The following L3MBTL3 variants were observed in gnomAD, a reference collection of about 807,000 sequenced individuals.
The protein encoded by L3MBTL3 is lethal(3)malignant brain tumor-like protein 3.
A neutral mutation model predicts 102.3 loss-of-function variants in L3MBTL3; 27 were observed. The ratio of observed to expected loss-of-function variants is 0.26; its 90% confidence interval spans 0.19 to 0.36. The LOEUF (loss-of-function observed/expected upper bound fraction) is 0.36, where lower values mean the gene tolerates loss of function less well. Ranked by LOEUF, L3MBTL3 falls within the 10% of genes least tolerant of loss-of-function variation. The pLI, the probability that L3MBTL3 is intolerant of heterozygous loss-of-function variation, is 1.00. For synonymous variants in L3MBTL3, 340 were observed against 320.9 expected, an observed-to-expected ratio of 1.06 and a Z score of -0.64; for missense variants, 798 against 955.3, an observed-to-expected ratio of 0.84 and a Z score of 2.17.
intron 3 of L3MBTL3, 119 bp downstream of exon 3, chr6:130,042,920 A>T: frequency 1.5e-6 from 1 of 655,698 alleles, no homozygotes; most frequent in South Asian, 2.2e-5. Context: ...TGTAGGTTTT[A>T]GATGATGCTT....
At chr6:130,118,628 T>C (rs1260238019) in intron 19 of L3MBTL3, among the ~76,000 whole-genome samples, 1 of 152,204 alleles carries the variant, frequency 6.6e-6, no homozygotes, top group African/African-American at 2.4e-5. Context: ...AAACATTCAA[T>C]AAACATTTTT....
At chr6:130,084,108 G>T (rs1002422177) in intron 15 of L3MBTL3, among the ~76,000 whole-genome samples, 1 of 152,054 alleles carries the variant, frequency 6.6e-6, no homozygotes, top group African/African-American at 2.4e-5. Flanking sequence ...GAGATGCTGG[G>T]TTTTTTAATT....
intron 13 of L3MBTL3, among the ~76,000 whole-genome samples, chr6:130,078,048 A>G (rs927370096): frequency 1.3e-5 from 2 of 152,154 alleles, no homozygotes; most frequent in East Asian, 1.9e-4. Flanking sequence ...AAAGGAGAAG[A>G]AAGAGGTAAA....
intron 19 of L3MBTL3, among the ~76,000 whole-genome samples, chr6:130,110,311 T>C (rs1785270950): frequency 1.3e-5 from 2 of 152,326 alleles, no homozygotes; most frequent in South Asian, 4.1e-4. Context: ...TTTCACGATA[T>C]TGTTTCTTCC....
At chr6:130,135,353 C>T (rs1337861671) in intron 22 of L3MBTL3, among the ~76,000 whole-genome samples, 2 of 152,100 alleles carry the variant, frequency 1.3e-5, no homozygotes, top group Non-Finnish European at 1.5e-5. Context: ...CGTGAGCCAC[C>T]GTGCCCAGCC....
rs186395275 is a variant in L3MBTL3, at chr6:130,104,341, G to C, written c.1737-85G>C. On this transcript the variant is annotated intron_variant, in intron 18 of 22. Coordinates refer to ENST00000361794, the MANE Select transcript of L3MBTL3 (RefSeq NM_032438.4). Reference sequence around the variant, plus strand: ...GTTAAATTTTAGAATTTTATATTCTGTATCCTGTCATTTTAATTGGAAGAA... The same window carrying C: ...GTTAAATTTTAGAATTTTATATTCTCTATCCTGTCATTTTAATTGGAAGAA... 109 of 956,906 alleles carry C rather than the reference G, an allele frequency of 1.1e-4. No homozygotes were observed. In the East Asian group the frequency reaches 2.8e-3, roughly 24 times the overall value. 59.3% of individuals were successfully genotyped at this position (956,906 alleles called of 1,614,324 possible). A position where few individuals can be genotyped will look rare whatever the true frequency, so the allele number is the denominator to read the frequency against.
intron 3 of L3MBTL3, among the ~76,000 whole-genome samples, chr6:130,047,568 T>G (rs923869067): frequency 2.0e-5 from 3 of 152,346 alleles, no homozygotes; most frequent in Admixed American, 6.5e-5. Flanking sequence ...ATGCTATTTC[T>G]TACATTTTGT....
intron 16 of L3MBTL3, among the ~76,000 whole-genome samples, chr6:130,087,675 A>G (rs982934057): frequency 6.6e-6 from 1 of 152,198 alleles, no homozygotes; most frequent in Non-Finnish European, 1.5e-5. Flanking sequence ...CAAGGAAAAT[A>G]TATCAGTGCT....
intron 20 of L3MBTL3, among the ~76,000 whole-genome samples, chr6:130,123,387 C>T (rs558409150): frequency 1.3e-5 from 2 of 151,854 alleles, no homozygotes; most frequent in African/African-American, 4.8e-5. Context: ...CCTGTAAAAC[C>T]TGTAGTTCAA....
intron 13 of L3MBTL3, among the ~76,000 whole-genome samples, chr6:130,076,250 G>T (rs2115047065): frequency 6.6e-6 from 1 of 152,314 alleles, no homozygotes; most frequent in South Asian, 2.1e-4. Context: ...CCATAAGTAA[G>T]CATCTTGCAA....
intron 2 of L3MBTL3, among the ~76,000 whole-genome samples, chr6:130,030,684 AAAAAAAAAAAG>A (rs1779663391): frequency 7.0e-6 from 1 of 142,902 alleles, no homozygotes; most frequent in Admixed American, 7.0e-5. Flanking sequence ...AAAAAAAAAA[AAAAAAAAAAAG>A]ATTTAAACCC....
intron 20 of L3MBTL3, among the ~76,000 whole-genome samples, chr6:130,125,607 C>G (rs1037491549): frequency 6.6e-6 from 1 of 152,194 alleles, no homozygotes; most frequent in Non-Finnish European, 1.5e-5. Context: ...AAACCCAAGG[C>G]TGAAGGTCAG....
rs986103103 is a variant in L3MBTL3 at position 130,121,391 on chromosome 6, G to A, written c.1966+433G>A. 6.6e-5 allele frequency among the ~76,000 whole-genome samples: 10 copies of A among 152,230 alleles called. No homozygotes were observed. In the South Asian group the frequency reaches 1.0e-3, roughly 16 times the overall value. Reference sequence around the variant, plus strand: ...AGCCTCCAGCTCCATCCATGTTCCCGCAGAAGACATGATCTCATTCTTTTT... The same window carrying A: ...AGCCTCCAGCTCCATCCATGTTCCCACAGAAGACATGATCTCATTCTTTTT... On this transcript the variant is annotated intron_variant, in intron 20 of 22. Transcript: ENST00000361794.
intron 5 of L3MBTL3, among the ~76,000 whole-genome samples, chr6:130,050,958 C>T (rs1348439675): frequency 6.6e-6 from 1 of 152,134 alleles, no homozygotes; most frequent in Non-Finnish European, 1.5e-5. Flanking sequence ...TATGCGTCTT[C>T]TGAATTTAGT....
chr6:130,031,508 G>C (rs777153368), intron 2 of L3MBTL3, among the ~76,000 whole-genome samples: 13 of 152,218 alleles, frequency 8.5e-5, no homozygotes, highest in Non-Finnish European at 1.5e-4. Context: ...TCCCAAAGAC[G>C]CTAGGGTATT....
In L3MBTL3 at chr6:130,115,387, T is replaced by C. The variant is rs535491752; in HGVS notation, c.1887-5492T>C. ...TACATGGCAATCTGCATCTGCCTCC[T>C]TTCCTGCTGGACTTAAAGAGGTGGC... is the stretch of plus-strand genomic sequence containing the variant. On this transcript the variant is annotated intron_variant, in intron 19 of 22. Transcript: ENST00000361794. Among the ~76,000 whole-genome samples, 7 of 152,346 alleles carry C rather than the reference T, an allele frequency of 4.6e-5. No individual in the cohort carries two copies. In the South Asian group the frequency reaches 1.2e-3, roughly 27 times the overall value.
At chr6:130,041,280 TC>T (rs1430210792) in intron 2 of L3MBTL3, among the ~76,000 whole-genome samples, 2 of 152,208 alleles carry the variant, frequency 1.3e-5, no homozygotes, top group Admixed American at 6.5e-5. Flanking sequence ...CAAGGCTACT[TC>T]ATAGATGGTG....
rs143774895 is a variant in L3MBTL3, at chr6:130,027,700, G to A, written c.-16+5395G>A. Among the ~76,000 whole-genome samples the A allele has an allele frequency of 5.0e-3, 767 of 151,992 alleles. 31 individuals are homozygous for A. The highest frequency in any genetic ancestry group is 0.047 in the Admixed American group (721 of 15,264). On this transcript the variant is annotated intron_variant, in intron 2 of 22. Coordinates refer to ENST00000361794, the MANE Select transcript of L3MBTL3 (RefSeq NM_032438.4). Reference sequence around the variant, plus strand: ...GCTTTATGTTCTATAAAAATATGAAGCAAAATAAGAAAAAAGATACTACTT... The same window carrying A: ...GCTTTATGTTCTATAAAAATATGAAACAAAATAAGAAAAAAGATACTACTT...
intron 18 of L3MBTL3, among the ~76,000 whole-genome samples, chr6:130,095,721 G>A (rs1309062980): frequency 1.3e-5 from 2 of 152,188 alleles, no homozygotes; most frequent in African/African-American, 4.8e-5. Context: ...CTGAGATCCA[G>A]GGGCCAGCAT....
Sources: gnomAD v4.1 joint callset for allele counts (sites outside exome capture counted in the v4.1 genomes callset) on GRCh38, gnomAD v4.1.1 for gene constraint, MANE v1.5 for transcripts, NCBI Gene and HGNC (gene_info 2026-07-23, HGNC 2026-07-21) for gene names.